PPP1R12B: variants seen among roughly 807,000 people sequenced by gnomAD.
PPP1R12B encodes protein phosphatase 1 regulatory subunit 12B.
Under a neutral mutation model 126.1 loss-of-function variants are expected in PPP1R12B, and 76 were observed. The observed-to-expected ratio is 0.60, with a 90% CI of 0.50 to 0.73. The LOEUF (loss-of-function observed/expected upper bound fraction) is 0.73. PPP1R12B is among the 30% of genes least tolerant of loss of function. The pLI is 0.00. For synonymous variants in PPP1R12B, 356 were observed against 434.7 expected (o/e 0.82, Z 2.25); for missense variants, 1,052 against 1,205.1 (o/e 0.87, Z 1.88).
rs1690163153 is a variant in PPP1R12B at position 202,592,571 on chromosome 1, A to G, written c.*12011A>G. On this transcript the variant is annotated 3_prime_UTR_variant, in exon 24 of 24. Transcript: ENST00000608999. The stretch of plus-strand genomic sequence containing the variant: ...CTTGATTAAACAAGATTCTGTTCAT[A>G]TGTTTCTAGGTAATTATCTTCTTTT... The G allele has an allele frequency of 6.6e-6, 1 of 152,246 alleles. No individual in the cohort carries two copies. The highest frequency in any genetic ancestry group is 1.5e-5 in the Non-Finnish European group (1 of 68,042). The allele number at this position is 152,246 out of a possible 1,614,324, so 9.4% of individuals were successfully genotyped here. A position where few individuals can be genotyped will look rare whatever the true frequency, so the allele number is the denominator to read the frequency against.
At chr1:202,454,618 A>G (rs1673386351) in intron 13 of PPP1R12B, among the ~76,000 whole-genome samples, 1 of 152,214 alleles carries the variant, frequency 6.6e-6, no homozygotes, top group Admixed American at 6.5e-5. Flanking sequence ...ACAGTGTCAT[A>G]CCGAAAATCT....
At chr1:202,415,782 G>A (rs1014510196) in intron 1 of PPP1R12B, among the ~76,000 whole-genome samples, 4 of 152,168 alleles carry the variant, frequency 2.6e-5, no homozygotes, top group African/African-American at 9.7e-5. Context: ...TTGCCATAGT[G>A]TTTGAAGCCA....
At chr1:202,395,355 C>A (rs982121394) in intron 1 of PPP1R12B, among the ~76,000 whole-genome samples, 2 of 152,108 alleles carry the variant, frequency 1.3e-5, no homozygotes, top group African/African-American at 2.4e-5. Context: ...ATTTCTTATA[C>A]TGTCTTATAA....
intron 11 of PPP1R12B, 40 bp downstream of exon 11, chr1:202,440,828 T>G (rs1251889207): frequency 3.3e-6 from 5 of 1,517,078 alleles, no homozygotes. Context: ...CTCATCCTCT[T>G]AGGTCTACTG....
At chr1:202,439,194 A>G (rs1671269820) in intron 10 of PPP1R12B, 2 of 1,502,404 alleles carry the variant, frequency 1.3e-6, no homozygotes, top group Admixed American at 3.3e-5. Flanking sequence ...CTCGACCACT[A>G]CTGCGCAGCC....
At chr1:202,424,253 A>G (rs1303186376) in intron 3 of PPP1R12B, among the ~76,000 whole-genome samples, 1 of 151,818 alleles carries the variant, frequency 6.6e-6, no homozygotes, top group Non-Finnish European at 1.5e-5. Flanking sequence ...ATCTGATTTA[A>G]ATTGGTTACC....
chr1:202,492,707 T>G (rs545278637), intron 14 of PPP1R12B, among the ~76,000 whole-genome samples: 2 of 152,310 alleles, frequency 1.3e-5, no homozygotes, highest in Non-Finnish European at 2.9e-5. Context: ...GTTTTTCTTT[T>G]TTTAAGTGAA....
intron 1 of PPP1R12B, among the ~76,000 whole-genome samples, chr1:202,394,116 A>G (rs1283266648): frequency 6.6e-6 from 1 of 152,134 alleles, no homozygotes; most frequent in Non-Finnish European, 1.5e-5. Flanking sequence ...AGGCAGGCAG[A>G]TCACGAGGTC....
At chr1:202,524,361 CTTAT>C (rs372649213) in intron 18 of PPP1R12B, among the ~76,000 whole-genome samples, 3 of 152,182 alleles carry the variant, frequency 2.0e-5, no homozygotes, top group South Asian at 2.1e-4. Context: ...GGAAGCCAAT[CTTAT>C]TTATTTATTT....
chr1:202,571,853 T>C (rs1307550948), intron 23 of PPP1R12B, among the ~76,000 whole-genome samples: 3 of 152,132 alleles, frequency 2.0e-5, no homozygotes, highest in African/African-American at 4.8e-5. Context: ...GAAATGCCTG[T>C]AAACTCTAAA....
intron 18 of PPP1R12B, among the ~76,000 whole-genome samples, chr1:202,514,718 C>G (rs924302741): frequency 6.6e-6 from 1 of 152,088 alleles, no homozygotes; most frequent in Admixed American, 6.6e-5. Context: ...TCAGCTTTGT[C>G]GAAGATCAGA....
intron 1 of PPP1R12B, among the ~76,000 whole-genome samples, chr1:202,358,042 C>G (rs892929455): frequency 1.3e-5 from 2 of 152,108 alleles, no homozygotes; most frequent in African/African-American, 4.8e-5. Flanking sequence ...AGGAGAATTA[C>G]ATATATATCT....
chr1:202,353,800 A>G (rs886813821), intron 1 of PPP1R12B, among the ~76,000 whole-genome samples: 1 of 151,892 alleles, frequency 6.6e-6, no homozygotes, highest in Non-Finnish European at 1.5e-5. Flanking sequence ...TTTGTAGACA[A>G]GGGGGTCTCA....
intron 3 of PPP1R12B, among the ~76,000 whole-genome samples, chr1:202,423,078 A>G (rs1193329222): frequency 6.6e-6 from 1 of 152,214 alleles, no homozygotes; most frequent in African/African-American, 2.4e-5. Flanking sequence ...AGAATTGGCT[A>G]AACTGAGTTT....
chr1:202,396,487 C>T (rs2148544010), intron 1 of PPP1R12B, among the ~76,000 whole-genome samples: 1 of 152,210 alleles, frequency 6.6e-6, no homozygotes, highest in East Asian at 1.9e-4. Context: ...GTGTTTCACC[C>T]ATGTATAGTA....
intron 13 of PPP1R12B, among the ~76,000 whole-genome samples, chr1:202,470,694 G>A (rs546658264): frequency 5.9e-5 from 9 of 152,186 alleles, no homozygotes; most frequent in African/African-American, 1.2e-4. Flanking sequence ...AGGAGTTCAA[G>A]ACAAGCCTAG....
chr1:202,455,620 A>T (rs936090784), intron 13 of PPP1R12B, among the ~76,000 whole-genome samples: 1 of 152,222 alleles, frequency 6.6e-6, no homozygotes, highest in Non-Finnish European at 1.5e-5. Context: ...TCATAAGTCA[A>T]TGGACACTTG....
rs571896232 is a variant in PPP1R12B at position 202,590,018 on chromosome 1, G to T, written c.*9458G>T. 5.9e-5 allele frequency: 9 copies of T among 152,156 alleles called. No homozygotes were observed. The highest frequency in any genetic ancestry group is 8.8e-5 in the Non-Finnish European group (6 of 68,026). The allele number at this position is 152,156 out of a possible 1,614,324, so 9.4% of individuals were successfully genotyped here. A position where few individuals can be genotyped will look rare whatever the true frequency, so the allele number is the denominator to read the frequency against. ...GGAGTTTTACTCTTCCCTGGTCTTT[G>T]GGGGCAATGCTGTCCCACTCTCCCT... On this transcript the variant is annotated 3_prime_UTR_variant, in exon 24 of 24. Transcript: ENST00000608999.
chr1:202,381,142 A>G (rs1238444039), intron 1 of PPP1R12B, among the ~76,000 whole-genome samples: 2 of 152,168 alleles, frequency 1.3e-5, no homozygotes, highest in Admixed American at 1.3e-4. Flanking sequence ...GTACATACAT[A>G]CGTACTTTTC....
Sources: gnomAD v4.1 joint callset for allele counts (sites outside exome capture counted in the v4.1 genomes callset) on GRCh38, gnomAD v4.1.1 for gene constraint, MANE v1.5 for transcripts, NCBI Gene and HGNC (gene_info 2026-07-23, HGNC 2026-07-21) for gene names.